PLXNC1: variants seen among roughly 807,000 people sequenced by gnomAD.
PLXNC1 encodes the protein plexin C1.
Under a neutral mutation model 178.2 loss-of-function variants are expected in PLXNC1, and 75 were observed. The ratio of observed to expected loss-of-function variants is 0.42; its 90% CI spans 0.35 to 0.51. The LOEUF (loss-of-function observed/expected upper bound fraction) is 0.51, where lower values mean the gene tolerates loss of function less well. PLXNC1 is among the 20% of genes least tolerant of loss of function. PLXNC1 has a pLI of 0.02. For synonymous variants in PLXNC1, 790 were observed against 779.9 expected (o/e 1.01, Z -0.22); for missense variants, 1,503 against 1,984.4 (o/e 0.76, Z 4.61).
In PLXNC1 at chr12:94,305,394, A is replaced by G; in HGVS notation, c.*109A>G. On this transcript the variant is annotated 3_prime_UTR_variant, in exon 31 of 31. Transcript: ENST00000258526. ...AATTTGTTGTTTGCACATAGGTTCC[A>G]CTTTGGGCACTGTCTTTTTAAGAGA... 1.5e-6 allele frequency: 1 copy of G among 650,148 alleles called. No individual in the cohort carries two copies. The highest frequency in any genetic ancestry group is 1.9e-5 in the South Asian group (1 of 52,786). 40.3% of individuals were successfully genotyped at this position (650,148 alleles called of 1,614,324 possible). A position where few individuals can be genotyped will look rare whatever the true frequency, so the allele number is the denominator to read the frequency against.
At position 94,148,979 on chromosome 12, in the gene PLXNC1, T is replaced by C; in HGVS notation, c.8T>C (p.Val3Ala). Residue 3 changes from valine to alanine, a missense_variant, in exon 1 of 31, where the codon GTC (valine) becomes GCC (alanine). Physicochemically the swap from Val to Ala is moderately conservative, Grantham distance 64 (BLOSUM62 0). Transcript: ENST00000258526. The surrounding 1 kb of genome is among the most constrained non-coding windows in gnomAD (Gnocchi z 4.8). ME[V>A]SRRKAPPRPP... Reference sequence around the variant, plus strand: ...GGCGGCCCCCCCAGCCCCATGGAGGTCTCCCGGAGGAAGGCGCCGCCGCGC... The same window carrying C: ...GGCGGCCCCCCCAGCCCCATGGAGGCCTCCCGGAGGAAGGCGCCGCCGCGC... 2.8e-6 allele frequency: 4 copies of C among 1,416,822 alleles called. No homozygotes were observed. Among genetic ancestry groups the C allele is most frequent in the Middle Eastern group, 2.5e-4 (1 of 4,030 alleles). The allele number at this position is 1,416,822 out of a possible 1,614,324, so 87.8% of individuals were successfully genotyped here. A position where few individuals can be genotyped will look rare whatever the true frequency, so the allele number is the denominator to read the frequency against.
In PLXNC1 at chr12:94,186,812, A is replaced by T. The variant is rs1962528001; in HGVS notation, c.1439+339A>T. 5 of 239,476 alleles carry T rather than the reference A, an allele frequency of 2.1e-5. No individual in the cohort carries two copies. In the South Asian group the frequency reaches 3.1e-4, roughly 15 times the overall value. 14.8% of individuals were successfully genotyped at this position (239,476 alleles called of 1,614,324 possible). The stretch of plus-strand genomic sequence containing the variant: ...AGGCAAAAGGGCCCCCCCTCCGAGA[A>T]GATAAAAGAATAGAGATGTCTGAAA... On this transcript the variant is annotated intron_variant, in intron 4 of 30. Coordinates refer to ENST00000258526, the MANE Select transcript of PLXNC1 (RefSeq NM_005761.3).
chr12:94,183,113 C>T (rs560546346), intron 3 of PLXNC1, among the ~76,000 whole-genome samples: 3 of 152,318 alleles, frequency 2.0e-5, no homozygotes, highest in Admixed American at 6.5e-5. Flanking sequence ...ATGGATGTAA[C>T]AGATACTCTC....
At chr12:94,295,652 C>A (rs537780737) in intron 24 of PLXNC1, among the ~76,000 whole-genome samples, 1 of 152,122 alleles carries the variant, frequency 6.6e-6, no homozygotes, top group Non-Finnish European at 1.5e-5. Context: ...AAAATCCCAA[C>A]GCTGGATGAA....
rs551355965 is a variant in PLXNC1, at chr12:94,212,813, A to G, written c.1554+3109A>G. On this transcript the variant is annotated intron_variant, in intron 5 of 30. Coordinates refer to ENST00000258526, the MANE Select transcript of PLXNC1 (RefSeq NM_005761.3). ...TGGCTCACTGCAAGCTCCGCCTCCC[A>G]GGTTCATGCCATTCTCCTGCCTCAG... 1.2e-3 allele frequency among the ~76,000 whole-genome samples: 183 copies of G among 146,426 alleles called. 3 individuals are homozygous for G. The South Asian group carries it at 0.037, about 29-fold the overall frequency.
rs540910715 is a variant in PLXNC1 at position 94,181,371 on chromosome 12, A to G, written c.1204-75A>G. On this transcript the variant is annotated intron_variant, in intron 2 of 30. Coordinates refer to ENST00000258526, the MANE Select transcript of PLXNC1 (RefSeq NM_005761.3). ...CCAATGCATTCCAGCCTGGCGACAG[A>G]GCGAGATTCCGTCTCAAAAAAAAAA... 4.0e-6 allele frequency: 4 copies of G among 998,276 alleles called. No homozygotes were observed. The Admixed American group carries it at 9.5e-5, about 24-fold the overall frequency. 61.8% of individuals were successfully genotyped at this position (998,276 alleles called of 1,614,324 possible). A position where few individuals can be genotyped will look rare whatever the true frequency, so the allele number is the denominator to read the frequency against.
intron 1 of PLXNC1, among the ~76,000 whole-genome samples, chr12:94,160,890 A>T (rs1008720054): frequency 1.3e-5 from 2 of 152,264 alleles, no homozygotes; most frequent in African/African-American, 4.8e-5. Flanking sequence ...CAAGATATAG[A>T]GGCAGTAACT....
rs533753006 is a variant in PLXNC1 at position 94,220,635 on chromosome 12, T to TA, written c.1702+480dup. On this transcript the variant is annotated intron_variant, in intron 6 of 30. Coordinates refer to ENST00000258526, the MANE Select transcript of PLXNC1 (RefSeq NM_005761.3). ...GGATACAGTGACTCCCCCTTGCCCC[T>TA]AAAAAAAAGACTGTACACTGGGATA... Among the ~76,000 whole-genome samples the TA allele has an allele frequency of 1.8e-3, 272 of 151,918 alleles. 2 individuals are homozygous for TA. Among genetic ancestry groups the TA allele is most frequent in the Admixed American group, 0.012 (178 of 15,254 alleles).
intron 17 of PLXNC1, among the ~76,000 whole-genome samples, chr12:94,258,150 A>G (rs1479725160): frequency 6.6e-6 from 1 of 152,226 alleles, no homozygotes; most frequent in Non-Finnish European, 1.5e-5. Flanking sequence ...AAACAAAAAA[A>G]CACACAGAGA....
chr12:94,260,828 T>C lies in PLXNC1; in HGVS notation c.3438T>C (p.Ser1146=), dbSNP rs748001996. Residue 1146 remains serine, a synonymous_variant, in exon 20 of 31, where the codon TCT becomes TCC. Transcript: ENST00000258526. This position sits in a 1 kb window ranked among gnomAD's most constrained non-coding sequence, Gnocchi z 4.4. ...CAAACTGGATGTCCGTCTGCCTTTC[T>C]GGATTTCTCCGGGTAAGTGTCACAT... The part of the protein sequence containing the change: ...LLTNWMSVCL[S]GFLRETVGEP... 4 of 1,614,018 alleles carry C rather than the reference T, an allele frequency of 2.5e-6. No homozygotes were observed. Among genetic ancestry groups the C allele is most frequent in the Non-Finnish European group, 3.4e-6 (4 of 1,179,978 alleles).
At chr12:94,224,162 A>C in intron 6 of PLXNC1, 66 bp from the exon 7 acceptor site, 1 of 935,602 alleles carries the variant, frequency 1.1e-6, no homozygotes, top group Non-Finnish European at 1.8e-6. Context: ...CTTTTTTTGC[A>C]TTTACAGCTA....
At chr12:94,225,945 C>T (rs1205192171) in intron 7 of PLXNC1, among the ~76,000 whole-genome samples, 3 of 152,348 alleles carry the variant, frequency 2.0e-5, no homozygotes, top group Admixed American at 1.3e-4. Flanking sequence ...GTCCCCCGGC[C>T]CTGTGCTAGC....
chr12:94,149,035 C>T lies in PLXNC1; in HGVS notation c.64C>T (p.Leu22Phe). 1 of 1,506,420 alleles carries T rather than the reference C, an allele frequency of 6.6e-7. No individual in the cohort carries two copies. The highest frequency in any genetic ancestry group is 1.4e-5 in the African/African-American group (1 of 69,666). The allele number at this position is 1,506,420 out of a possible 1,614,324, so 93.3% of individuals were successfully genotyped here. ...PPRPAAPLPL[L>F]AYLLALAAPG... ...GCGCCCCGCAGCGCCACTGCCCCTGCTCGCCTATCTGCTGGCACTGGCGGC... is the reference window on the plus strand; with the variant it reads ...GCGCCCCGCAGCGCCACTGCCCCTGTTCGCCTATCTGCTGGCACTGGCGGC... The change falls in exon 1 of 31, where the codon CTC becomes TTC. Residue 22 changes from leucine (L) to phenylalanine (F), a missense_variant. Transcript: ENST00000258526.
rs768555101 is a variant in PLXNC1, at chr12:94,282,316, G to A, written c.3794G>A (p.Arg1265Gln). 4.3e-6 allele frequency: 7 copies of A among 1,613,528 alleles called. No individual in the cohort carries two copies. The highest frequency in any genetic ancestry group is 4.5e-5 in the East Asian group (2 of 44,882). ...TTTTCAGAGCTTCAAATGGGCACAC[G>A]ACAGAAAGAACTTCTGGACATCGAC... ...EIGLELQMGT[R>Q]QKELLDIDSS... The change falls in exon 23 of 31, where the codon CGA becomes CAA. Residue 1265 changes from arginine (R) to glutamine (Q), a missense_variant. Transcript: ENST00000258526.
intron 9 of PLXNC1, among the ~76,000 whole-genome samples, chr12:94,227,966 T>A (rs568714167): frequency 1.3e-5 from 2 of 152,270 alleles, no homozygotes; most frequent in African/African-American, 4.8e-5. Context: ...CTCGCTAACC[T>A]TGGAGTCTAG....
intron 21 of PLXNC1, chr12:94,272,086 C>A (rs1157288449): frequency 6.6e-6 from 1 of 152,196 alleles, no homozygotes; most frequent in African/African-American, 2.4e-5. Flanking sequence ...TCCAGCCTGG[C>A]CCTCTTCCCG....
At chr12:94,225,051 GCTGC>G (rs1555200865) in intron 7 of PLXNC1, among the ~76,000 whole-genome samples, 1 of 152,192 alleles carries the variant, frequency 6.6e-6, no homozygotes, top group Non-Finnish European at 1.5e-5. Context: ...ACATGTTCCT[GCTGC>G]CCCCCTTTTC....
Position 94,210,375 on chromosome 12 carries a change from G to A in PLXNC1, c.1554+671G>A, listed in dbSNP as rs181896612. Among the ~76,000 whole-genome samples the A allele has an allele frequency of 6.6e-5, 10 of 152,294 alleles. No individual in the cohort carries two copies. In the East Asian group the frequency reaches 1.9e-3, roughly 29 times the overall value. On this transcript the variant is annotated intron_variant, in intron 5 of 30. Transcript: ENST00000258526. ...GCCAACCGTGCCCTACGGAAAAAGG[G>A]AATTCCTGCCTTGCAGTCTCAGTGG...
chr12:94,290,026 G>A (rs1026342120), intron 23 of PLXNC1, among the ~76,000 whole-genome samples: 19 of 152,328 alleles, frequency 1.2e-4, no homozygotes, highest in African/African-American at 3.6e-4. Flanking sequence ...TTTTGGCAGC[G>A]TTCCTTATCA....
Sources: gnomAD v4.1 joint callset for allele counts (sites outside exome capture counted in the v4.1 genomes callset) on GRCh38, gnomAD v4.1.1 for gene constraint, Gnocchi (gnomAD v3.1) non-coding constraint, MANE v1.5 for transcripts, NCBI Gene and HGNC (gene_info 2026-07-23, HGNC 2026-07-21) for gene names.